The following POLR3H variants were observed in gnomAD, a reference collection of about 807,000 sequenced individuals.
POLR3H encodes the protein RNA polymerase III subunit H, also known as DNA-directed RNA polymerase III subunit RPC8.
Under a neutral mutation model 25.5 loss-of-function variants are expected in POLR3H, and 17 were observed. The observed-to-expected ratio is 0.67, with a 90% CI of 0.46 to 1.00. The LOEUF (loss-of-function observed/expected upper bound fraction) is 1.00. POLR3H is among the 50% of genes least tolerant of loss of function. POLR3H has a pLI of 0.00. For synonymous variants in POLR3H, 129 were observed against 103.0 expected, an observed-to-expected ratio of 1.25 and a Z score of -1.53; for missense variants, 274 against 265.0, an observed-to-expected ratio of 1.03 and a Z score of -0.24.
chr22:41,543,807 C>G (rs1388689756), intron 1 of POLR3H, 184 bp downstream of exon 1: 2 of 705,410 alleles, frequency 2.8e-6, no homozygotes, highest in African/African-American at 3.5e-5. Flanking sequence ...GTTACAACTC[C>G]CTTTTTCAAG....
chr22:41,529,798 C>T (rs536074669), intron 5 of POLR3H: 8 of 429,802 alleles, frequency 1.9e-5, no homozygotes, highest in Admixed American at 5.5e-5. Flanking sequence ...CACTGTCACC[C>T]GGGCTGGAGT....
In POLR3H at chr22:41,526,095, G is replaced by T; in HGVS notation, c.*3188C>A. On this transcript the variant is annotated 3_prime_UTR_variant, in exon 6 of 6. Transcript: ENST00000355209. ...CCTGGCCTGAGCCCATGTGGCCTTAGGGTGGAAGCACCAGGACCACAGAAC... is the reference window on the plus strand; with the variant it reads ...CCTGGCCTGAGCCCATGTGGCCTTATGGTGGAAGCACCAGGACCACAGAAC... 1.6e-6 allele frequency: 1 copy of T among 607,228 alleles called. No individual in the cohort carries two copies. The highest frequency in any genetic ancestry group is 2.9e-6 in the Non-Finnish European group (1 of 347,858). The allele number at this position is 607,228 out of a possible 1,614,324, so 37.6% of individuals were successfully genotyped here. A position where few individuals can be genotyped will look rare whatever the true frequency, so the allele number is the denominator to read the frequency against.
chr22:41,529,699 AGCCCTCCC>A (rs760610432), intron 5 of POLR3H: 2 of 571,194 alleles, frequency 3.5e-6, no homozygotes, highest in South Asian at 2.9e-5. Flanking sequence ...TCTTCCCCGG[AGCCCTCCC>A]TTTTATTTCA....
intron 2 of POLR3H, chr22:41,539,281 A>G (rs12483991): frequency 0.3 from 45,152 of 151,552 alleles, 7,767 homozygotes; most frequent in East Asian, 0.54. Flanking sequence ...AAGTATTTGG[A>G]CCCATCCCCC....
intron 2 of POLR3H, chr22:41,539,385 G>A (rs895227807): frequency 1.3e-5 from 2 of 152,312 alleles, no homozygotes; most frequent in African/African-American, 4.8e-5. Context: ...TGCGCTCTGG[G>A]AGCCTGAACC....
In POLR3H at chr22:41,544,072, G is replaced by A. The variant is rs773561350; in HGVS notation, c.30C>T (p.Thr10=). MFVLVEMVD[T]VRIPPWQFER... is the part of the protein sequence containing the mutation. Reference sequence around the variant, plus strand: ...CAAACTGCCAAGGGGGGATCCGGACGGTGTCCACCATTTCCACCAGGACGA... The same window carrying A: ...CAAACTGCCAAGGGGGGATCCGGACAGTGTCCACCATTTCCACCAGGACGA... Residue 10 remains threonine (T), a synonymous_variant, in exon 1 of 6, where the codon ACC becomes ACT. Coordinates refer to ENST00000355209, the MANE Select transcript of POLR3H (RefSeq NM_001018050.4). 1.9e-5 allele frequency: 30 copies of A among 1,610,622 alleles called. 1 individual carries two copies. The highest frequency in any genetic ancestry group is 2.3e-5 in the Non-Finnish European group (27 of 1,177,930).
chr22:41,529,584 G>A, intron 5 of POLR3H: 2 of 700,156 alleles, frequency 2.9e-6, no homozygotes, highest in East Asian at 2.7e-5. Flanking sequence ...TCACCCTTAG[G>A]CCTGCCCTCC....
rs756339721 is a variant in POLR3H at position 41,540,783 on chromosome 22, C to T, written c.124G>A (p.Val42Met). 17 of 1,613,622 alleles carry T rather than the reference C, an allele frequency of 1.1e-5. No homozygotes were observed. Among genetic ancestry groups the T allele is most frequent in the South Asian group, 4.4e-5 (4 of 91,082 alleles). Residue 42 changes from valine (V) to methionine (M), a missense_variant, in exon 2 of 6, where the codon GTG (valine) becomes ATG (methionine). Physicochemically the swap from Val to Met is conservative, Grantham distance 21 (BLOSUM62 1). Coordinates refer to ENST00000355209, the MANE Select transcript of POLR3H (RefSeq NM_001018050.4). ...TCAAACAGACAAATGCAGAGTCCCA[C>T]GTTGTACACGACCTGCATGCATACA... The part of the protein sequence containing the change: ...KKLANKVVYN[V>M]GLCICLFDIT...
At chr22:41,532,914 CAG>C (rs908943656) in intron 2 of POLR3H, among the ~76,000 whole-genome samples, 169 bp from the exon 3 acceptor site, 78 of 152,288 alleles carry the variant, frequency 5.1e-4, no homozygotes, top group African/African-American at 1.8e-3. Flanking sequence ...ATGGCCCCCA[CAG>C]GGGGGCAGCA....
intron 2 of POLR3H, among the ~76,000 whole-genome samples, chr22:41,533,075 G>C (rs2066773455): frequency 6.6e-6 from 1 of 152,232 alleles, no homozygotes; most frequent in African/African-American, 2.4e-5. Context: ...AACTGGTAAA[G>C]AACGCAGGGT....
chr22:41,536,640 C>A (rs1185729395), intron 2 of POLR3H, among the ~76,000 whole-genome samples: 1 of 150,712 alleles, frequency 6.6e-6, no homozygotes, highest in Non-Finnish European at 1.5e-5. Context: ...CCAAGGCGGG[C>A]GGATCGCCTG....
At position 41,535,350 on chromosome 22, in the gene POLR3H, T is replaced by C. The variant is rs1263334395; in HGVS notation, c.209-2605A>G. On this transcript the variant is annotated intron_variant, in intron 2 of 5. Coordinates refer to ENST00000355209, the MANE Select transcript of POLR3H (RefSeq NM_001018050.4). ...ATTGTATGCTTTGAAAGGGTGAATT[T>C]TGTGGTATGTGAATTATATCTCAGT... Among the ~76,000 whole-genome samples the C allele has an allele frequency of 4.6e-5, 7 of 152,076 alleles. No homozygotes were observed. In the East Asian group the frequency reaches 1.3e-3, roughly 29 times the overall value.
At chr22:41,531,955 C>CAA in intron 4 of POLR3H, 139 bp downstream of exon 4, 1 of 695,714 alleles carries the variant, frequency 1.4e-6, no homozygotes, top group South Asian at 1.7e-5. Context: ...GCCTCTGGAG[C>CAA]AAAAGCACAG....
chr22:41,534,152 T>C (rs2066799134), intron 2 of POLR3H, among the ~76,000 whole-genome samples: 1 of 150,598 alleles, frequency 6.6e-6, no homozygotes, highest in Admixed American at 6.6e-5. Flanking sequence ...AAAAAAAAAC[T>C]TCACAGAGCC....
intron 4 of POLR3H, among the ~76,000 whole-genome samples, chr22:41,531,407 G>C (rs937025460): frequency 2.0e-5 from 3 of 152,250 alleles, no homozygotes; most frequent in African/African-American, 7.2e-5. Context: ...TGCAGACCCA[G>C]AGCCGTGCTG....
chr22:41,532,633 G>A (rs775598820), intron 3 of POLR3H, 26 bp downstream of exon 3: 1 of 1,613,934 alleles, frequency 6.2e-7, no homozygotes, highest in East Asian at 2.2e-5. Context: ...CCCAAGTCTT[G>A]TCTGAGGCGT....
intron 5 of POLR3H, among the ~76,000 whole-genome samples, chr22:41,529,837 C>G (rs1448888854): frequency 6.6e-6 from 1 of 151,524 alleles, no homozygotes; most frequent in Non-Finnish European, 1.5e-5. Flanking sequence ...CTCACTGCAA[C>G]CTCCACCTCC....
In POLR3H at chr22:41,525,992, A is replaced by G; in HGVS notation, c.*3291T>C. ...GCTGAGGCCTGAAGGGTGAGCGAAC[A>G]TTGACCTGTCCCAACTTTGGGCGGC... On this transcript the variant is annotated 3_prime_UTR_variant, in exon 6 of 6. Coordinates refer to ENST00000355209, the MANE Select transcript of POLR3H (RefSeq NM_001018050.4). 1 of 399,080 alleles carries G rather than the reference A, an allele frequency of 2.5e-6. No individual in the cohort carries two copies. The highest frequency in any genetic ancestry group is 4.5e-6 in the Non-Finnish European group (1 of 220,556). 24.7% of individuals were successfully genotyped at this position (399,080 alleles called of 1,614,324 possible). A position where few individuals can be genotyped will look rare whatever the true frequency, so the allele number is the denominator to read the frequency against.
Position 41,527,160 on chromosome 22 carries a change from C to T in POLR3H, c.*2123G>A. ...TTAGGCAGCAGGCGAGGAAGGGCCC[C>T]TCCAGCCCCTTTACCGGGAGCCTCA... is the stretch of plus-strand genomic sequence containing the variant. On this transcript the variant is annotated 3_prime_UTR_variant, in exon 6 of 6. Transcript: ENST00000355209. 5.6e-6 allele frequency: 8 copies of T among 1,429,512 alleles called. No homozygotes were observed. Among genetic ancestry groups the T allele is most frequent in the Non-Finnish European group, 7.7e-6 (8 of 1,035,954 alleles). 88.6% of individuals were successfully genotyped at this position (1,429,512 alleles called of 1,614,324 possible).
Sources: gnomAD v4.1 joint callset for allele counts (sites outside exome capture counted in the v4.1 genomes callset) on GRCh38, gnomAD v4.1.1 for gene constraint, MANE v1.5 for transcripts, NCBI Gene and HGNC (gene_info 2026-07-23, HGNC 2026-07-21) for gene names.